The following MACROD1 variants were observed in gnomAD, a reference collection of about 807,000 sequenced individuals.
MACROD1 encodes mono-ADP ribosylhydrolase 1.
MACROD1 carries 31 observed loss-of-function variants against 41.4 expected under a neutral mutation model. The observed-to-expected ratio is 0.75, with a 90% CI of 0.56 to 1.01. The LOEUF is 1.01. MACROD1 is among the 50% of genes least tolerant of loss of function. The pLI is 0.00. For synonymous variants in MACROD1, 252 were observed against 203.4 expected, an observed-to-expected ratio of 1.24 and a Z score of -2.03; for missense variants, 473 against 460.0, an observed-to-expected ratio of 1.03 and a Z score of -0.26.
At chr11:64,041,067 C>T (rs950196684) in intron 3 of MACROD1, among the ~76,000 whole-genome samples, 7 of 151,712 alleles carry the variant, frequency 4.6e-5, no homozygotes, top group African/African-American at 1.7e-4. Flanking sequence ...GGTCACGGGG[C>T]GCTAGTCCTG....
In MACROD1 at chr11:64,161,712, T is replaced by C. The variant is rs1251973497; in HGVS notation, c.298+3985A>G. Among the ~76,000 whole-genome samples the C allele has an allele frequency of 6.6e-5, 10 of 152,230 alleles. No homozygotes were observed. The East Asian group carries it at 1.2e-3, about 18-fold the overall frequency. On this transcript the variant is annotated intron_variant, in intron 1 of 10. Coordinates refer to ENST00000255681, the MANE Select transcript of MACROD1 (RefSeq NM_014067.4). ...ATTTTGGGAGGCTGCGGTGGGCGGA[T>C]TGCTTGAGGCCAGGAGTTTGAGACC...
chr11:64,152,839 T>C (rs1334338542), intron 1 of MACROD1, among the ~76,000 whole-genome samples: 1 of 152,196 alleles, frequency 6.6e-6, no homozygotes, highest in Admixed American at 6.5e-5. Context: ...CGCCAGTCAG[T>C]TCTGCCCTCA....
chr11:64,058,378 C>T (rs1943831467), intron 3 of MACROD1, among the ~76,000 whole-genome samples: 1 of 152,218 alleles, frequency 6.6e-6, no homozygotes, highest in Admixed American at 6.5e-5. Flanking sequence ...TTAGTCTGGA[C>T]AGTCACCTGC....
At chr11:64,160,509 G>A (rs375860735) in intron 1 of MACROD1, among the ~76,000 whole-genome samples, 8 of 152,250 alleles carry the variant, frequency 5.3e-5, no homozygotes, top group African/African-American at 1.2e-4. Context: ...GAGACATGGA[G>A]AGAATGTTCA....
At chr11:64,116,344 C>A in intron 3 of MACROD1, 1 of 1,612,120 alleles carries the variant, frequency 6.2e-7, no homozygotes, top group Non-Finnish European at 8.5e-7. Context: ...GTGATGACCA[C>A]GGCCACCATG....
chr11:64,149,467 G>A (rs1945543080), intron 3 of MACROD1, among the ~76,000 whole-genome samples: 2 of 152,152 alleles, frequency 1.3e-5, no homozygotes, highest in Admixed American at 6.5e-5. Flanking sequence ...TCCAAAACCT[G>A]GCGACTCCCA....
chr11:63,998,959 G>C lies in MACROD1; in HGVS notation c.969C>G (p.Pro323=), dbSNP rs374973682. The C allele has an allele frequency of 1.4e-4, 219 of 1,600,808 alleles. 1 individual carries two copies. The East Asian group carries it at 3.5e-3, about 25-fold the overall frequency. Residue 323 remains proline (P), a synonymous_variant, in exon 9 of 11, where the codon CCC becomes CCG. Coordinates refer to ENST00000255681, the MANE Select transcript of MACROD1 (RefSeq NM_014067.4). ...GGGGCGGCGCGGGGCACGTACCCAC[G>C]GGGAAGTAGTGGGGGAGCCGGCTCC... ...IYRSRLPHYF[P]VA is the part of the protein sequence containing the mutation.
intron 3 of MACROD1, among the ~76,000 whole-genome samples, chr11:64,088,864 G>A (rs535528749): frequency 1.3e-5 from 2 of 152,260 alleles, no homozygotes; most frequent in African/African-American, 4.8e-5. Flanking sequence ...AGGCAGGATC[G>A]CAGGCGGAAT....
chr11:64,069,361 G>T (rs1944063997), intron 3 of MACROD1, among the ~76,000 whole-genome samples: 4 of 152,214 alleles, frequency 2.6e-5, no homozygotes, highest in Admixed American at 1.3e-4. Flanking sequence ...CAGAGGATGG[G>T]GGTCTCTCTC....
chr11:64,107,434 T>A (rs900999415), intron 3 of MACROD1, among the ~76,000 whole-genome samples: 2 of 152,294 alleles, frequency 1.3e-5, no homozygotes, highest in East Asian at 1.9e-4. Flanking sequence ...CCTGTTTTTT[T>A]AAAAGCGATT....
At chr11:64,070,322 GGGCCT>G (rs1944083914) in intron 3 of MACROD1, among the ~76,000 whole-genome samples, 1 of 152,102 alleles carries the variant, frequency 6.6e-6, no homozygotes, top group African/African-American at 2.4e-5. Flanking sequence ...TGTTCCCTGG[GGGCCT>G]CGGAGCTGTG....
chr11:64,051,501 C>T (rs76077089), intron 3 of MACROD1, among the ~76,000 whole-genome samples: 11 of 152,158 alleles, frequency 7.2e-5, no homozygotes, highest in East Asian at 1.9e-4. Context: ...TCGGAAGCCT[C>T]GCTCCTGGCT....
chr11:64,137,942 T>C (rs544916999), intron 3 of MACROD1, among the ~76,000 whole-genome samples: 2 of 152,354 alleles, frequency 1.3e-5, no homozygotes, highest in Admixed American at 6.5e-5. Flanking sequence ...AATAAGTAAA[T>C]GTTTTTTAAA....
intron 3 of MACROD1, among the ~76,000 whole-genome samples, chr11:64,078,345 T>C (rs1219947208): frequency 1.3e-5 from 2 of 152,320 alleles, no homozygotes; most frequent in East Asian, 3.9e-4. Flanking sequence ...CCCCTCCCAG[T>C]CCCTGGCCCG....
chr11:64,108,238 A>G (rs1185224727), intron 3 of MACROD1, among the ~76,000 whole-genome samples: 2 of 151,556 alleles, frequency 1.3e-5, no homozygotes, highest in African/African-American at 2.4e-5. Context: ...GCCTGAACCC[A>G]GGAGGCAGAG....
intron 4 of MACROD1, among the ~76,000 whole-genome samples, chr11:64,006,326 C>G (rs930975777): frequency 6.6e-6 from 1 of 152,170 alleles, no homozygotes; most frequent in East Asian, 1.9e-4. Context: ...CCCTCCTGGT[C>G]GGCCATTCAA....
rs983758139 is a variant in MACROD1, at chr11:64,006,600, C to T, written c.548-6257G>A. Among the ~76,000 whole-genome samples the T allele has an allele frequency of 5.3e-5, 8 of 152,198 alleles. No individual in the cohort carries two copies. In the East Asian group the frequency reaches 9.6e-4, roughly 18 times the overall value. ...TCATTCATCATGCAAAAATCACTCC[C>T]GTTATTAAAAATCCCTGTGGCAGCT... is the stretch of plus-strand genomic sequence containing the variant. On this transcript the variant is annotated intron_variant, in intron 4 of 10. Transcript: ENST00000255681.
At chr11:64,006,545 G>A (rs1162887872) in intron 4 of MACROD1, among the ~76,000 whole-genome samples, 1 of 152,202 alleles carries the variant, frequency 6.6e-6, no homozygotes, top group African/African-American at 2.4e-5. Flanking sequence ...GAAAACATTA[G>A]GGCTTCATTA....
chr11:64,108,869 A>ACCACACACCAGTGCCAGG (rs941962730), intron 3 of MACROD1, among the ~76,000 whole-genome samples: 18 of 152,162 alleles, frequency 1.2e-4, no homozygotes, highest in African/African-American at 4.1e-4. Context: ...GTCTGCAGCA[A>ACCACACACCAGTGCCAGG]CCACACACCA....
Sources: gnomAD v4.1 joint callset for allele counts (sites outside exome capture counted in the v4.1 genomes callset) on GRCh38, gnomAD v4.1.1 for gene constraint, MANE v1.5 for transcripts, NCBI Gene and HGNC (gene_info 2026-07-23, HGNC 2026-07-21) for gene names.